Variants in TESC observed in about 807,000 individuals in gnomAD.
TESC encodes calcineurin B homologous protein 3.
Under a neutral mutation model 31.0 loss-of-function variants are expected in TESC, and 19 were observed. The ratio of observed to expected loss-of-function variants is 0.61; its 90% CI spans 0.43 to 0.90. The LOEUF (loss-of-function observed/expected upper bound fraction) is 0.90, where lower values mean the gene tolerates loss of function less well. TESC is among the 40% of genes least tolerant of loss of function. TESC has a pLI of 0.00. For synonymous variants in TESC, 109 were observed against 114.8 expected, an observed-to-expected ratio of 0.95 and a Z score of 0.32; for missense variants, 248 against 303.8, an observed-to-expected ratio of 0.82 and a Z score of 1.36.
chr12:117,046,597 C>T lies in TESC; in HGVS notation c.481G>A (p.Ala161Thr). Residue 161 changes from alanine to threonine, a missense_variant, in exon 6 of 8, where the codon GCC becomes ACC. Transcript: ENST00000335209. ...KESARSIADGAMMEAASVCMG... is the reference protein window; with the variant it reads ...KESARSIADGTMMEAASVCMG... ...CACACGCTGGCCGCCTCCATCATGGCCCCGTCGGCGATGGAGCGAGCGGAC... is the reference window on the plus strand; with the variant it reads ...CACACGCTGGCCGCCTCCATCATGGTCCCGTCGGCGATGGAGCGAGCGGAC... 6.4e-7 allele frequency: 1 copy of T among 1,551,286 alleles called. No homozygotes were observed. The highest frequency in any genetic ancestry group is 2.4e-5 in the East Asian group (1 of 40,894).
intron 2 of TESC, among the ~76,000 whole-genome samples, chr12:117,061,680 C>T (rs1046692826): frequency 6.6e-6 from 1 of 152,084 alleles, no homozygotes; most frequent in Non-Finnish European, 1.5e-5. Context: ...TAGGCACCTG[C>T]TACATCCACA....
At chr12:117,079,457 G>A (rs1297089605) in intron 1 of TESC, among the ~76,000 whole-genome samples, 1 of 152,096 alleles carries the variant, frequency 6.6e-6, no homozygotes, top group African/African-American at 2.4e-5. Context: ...AGCTACTTGG[G>A]AGGCTGAGGC....
At chr12:117,092,757 C>T (rs1195865698) in intron 1 of TESC, among the ~76,000 whole-genome samples, 2 of 152,216 alleles carry the variant, frequency 1.3e-5, no homozygotes. Context: ...GATTGCACCA[C>T]TATGCTCCAG....
chr12:117,096,228 C>G (rs552118648), intron 1 of TESC, among the ~76,000 whole-genome samples: 23 of 152,264 alleles, frequency 1.5e-4, no homozygotes, highest in African/African-American at 4.6e-4. Context: ...CATCTTGGTC[C>G]TCAGGGAGGC....
At chr12:117,089,599 TTTTATA>T (rs1035882757) in intron 1 of TESC, among the ~76,000 whole-genome samples, 2 of 152,204 alleles carry the variant, frequency 1.3e-5, no homozygotes, top group African/African-American at 4.8e-5. Flanking sequence ...TATAAACTTT[TTTTATA>T]AGTCATTGCA....
intron 2 of TESC, among the ~76,000 whole-genome samples, 153 bp from the exon 3 acceptor site, chr12:117,057,039 T>G (rs1954736503): frequency 6.6e-6 from 1 of 152,210 alleles, no homozygotes; most frequent in South Asian, 2.1e-4. Flanking sequence ...GGAATACGCT[T>G]CACTTATCTG....
At chr12:117,071,554 C>A (rs185916217) in intron 2 of TESC, among the ~76,000 whole-genome samples, 14 of 152,292 alleles carry the variant, frequency 9.2e-5, no homozygotes, top group Admixed American at 8.5e-4. Flanking sequence ...ACAAAGATGA[C>A]GTTGATGGCA....
At chr12:117,076,617 T>C (rs1955077820) in intron 1 of TESC, among the ~76,000 whole-genome samples, 1 of 152,158 alleles carries the variant, frequency 6.6e-6, no homozygotes, top group African/African-American at 2.4e-5. Context: ...CTAATTTTTA[T>C]ACGTTTAGCA....
At position 117,074,005 on chromosome 12, in the gene TESC, C is replaced by T. The variant is rs561645253; in HGVS notation, c.128+1266G>A. Among the ~76,000 whole-genome samples, 288 of 152,250 alleles carry T rather than the reference C, an allele frequency of 1.9e-3. 1 individual carries two copies. The highest frequency in any genetic ancestry group is 3.3e-3 in the Non-Finnish European group (222 of 68,016). ...TTGGGAGGTAGAAATGAGGGGACTG[C>T]TTGAGGCCAGGAGTTTGAGACCAGC... On this transcript the variant is annotated intron_variant, in intron 2 of 7. Transcript: ENST00000335209.
In TESC at chr12:117,046,576, C is replaced by G; in HGVS notation, c.502G>C (p.Val168Leu). Residue 168 changes from valine to leucine, a missense_variant, in exon 6 of 8, where the codon GTG becomes CTG. Transcript: ENST00000335209. ...GCGCTCACCATCTGCCCCATGCACA[C>G]GCTGGCCGCCTCCATCATGGCCCCG... ...ADGAMMEAAS[V>L]CMGQMEPDQV... 6.4e-7 allele frequency: 1 copy of G among 1,550,756 alleles called. No homozygotes were observed. Among genetic ancestry groups the G allele is most frequent in the East Asian group, 2.4e-5 (1 of 40,898 alleles).
chr12:117,068,781 C>G (rs1954921661), intron 2 of TESC, among the ~76,000 whole-genome samples: 1 of 152,078 alleles, frequency 6.6e-6, no homozygotes, highest in South Asian at 2.1e-4. Context: ...TTTATCTAAT[C>G]ATGCCTCCTA....
intron 7 of TESC, among the ~76,000 whole-genome samples, chr12:117,040,794 T>C (rs1028842882): frequency 6.6e-6 from 1 of 152,188 alleles, no homozygotes; most frequent in African/African-American, 2.4e-5. Flanking sequence ...TCCTCTCTCC[T>C]GCCGGTTCTA....
At chr12:117,097,028 G>A (rs1019144410) in intron 1 of TESC, among the ~76,000 whole-genome samples, 3 of 152,124 alleles carry the variant, frequency 2.0e-5, no homozygotes, top group Non-Finnish European at 2.9e-5. Flanking sequence ...AACACCTGTC[G>A]GGCGTTTTGT....
At chr12:117,068,300 CG>C (rs1043636576) in intron 2 of TESC, among the ~76,000 whole-genome samples, 18 of 152,178 alleles carry the variant, frequency 1.2e-4, no homozygotes, top group Admixed American at 1.2e-3. Flanking sequence ...GAGGCCGAGG[CG>C]GGTGGATCAC....
chr12:117,072,897 C>T (rs1336458452), intron 2 of TESC, among the ~76,000 whole-genome samples: 1 of 152,238 alleles, frequency 6.6e-6, no homozygotes, highest in Non-Finnish European at 1.5e-5. Flanking sequence ...CCTGCCTCAG[C>T]TTCCCAAGTA....
chr12:117,077,448 C>T (rs1433740283), intron 1 of TESC, among the ~76,000 whole-genome samples: 1 of 152,254 alleles, frequency 6.6e-6, no homozygotes, highest in Non-Finnish European at 1.5e-5. Flanking sequence ...ACGCATACTT[C>T]TGTTCACCCA....
Position 117,099,249 on chromosome 12 carries a change from G to A in TESC, c.34C>T (p.Arg12Trp). 6.8e-7 allele frequency: 1 copy of A among 1,474,370 alleles called. No homozygotes were observed. The highest frequency in any genetic ancestry group is 1.5e-5 in the African/African-American group (1 of 67,930). The allele number at this position is 1,474,370 out of a possible 1,614,324, so 91.3% of individuals were successfully genotyped here. The change falls in exon 1 of 8, where the codon CGG (arginine) becomes TGG (tryptophan). Residue 12 changes from arginine to tryptophan, a missense_variant. Transcript: ENST00000335209. Reference protein sequence around the residue: ...GAAHSASEEVRELEGKTGFSS... With the variant: ...GAAHSASEEVWELEGKTGFSS... ...CAGCCGGTCTTGCCCTCGAGCTCCC[G>A]CACCTCCTCAGACGCGGAGTGGGCA...
intron 3 of TESC, among the ~76,000 whole-genome samples, chr12:117,054,502 A>C (rs1254501209): frequency 6.6e-6 from 1 of 151,724 alleles, no homozygotes; most frequent in Non-Finnish European, 1.5e-5. Context: ...CTTTGCACAC[A>C]CAGTTCCCAT....
At position 117,078,941 on chromosome 12, in the gene TESC, T is replaced by C. The variant is rs574697845; in HGVS notation, c.59-3601A>G. On this transcript the variant is annotated intron_variant, in intron 1 of 7. Transcript: ENST00000335209. ...ATACTGCTATTAATAAGTCATTCAC[T>C]GGCTGAGTACTGTGTCCCAGGCACA... Among the ~76,000 whole-genome samples the C allele has an allele frequency of 5.9e-4, 90 of 152,340 alleles. 2 individuals are homozygous for C. Among genetic ancestry groups the C allele is most frequent in the Non-Finnish European group, 1.6e-4 (11 of 68,032 alleles).
Sources: gnomAD v4.1 joint callset for allele counts (sites outside exome capture counted in the v4.1 genomes callset) on GRCh38, gnomAD v4.1.1 for gene constraint, MANE v1.5 for transcripts, NCBI Gene and HGNC (gene_info 2026-07-23, HGNC 2026-07-21) for gene names.